CYP4Z1: variants seen among roughly 807,000 people sequenced by gnomAD.
CYP4Z1 encodes cytochrome P450 4Z1.
CYP4Z1 carries 41 observed loss-of-function variants against 54.2 expected under a neutral mutation model. The ratio of observed to expected loss-of-function variants is 0.76; its 90% CI spans 0.59 to 0.98. The LOEUF (loss-of-function observed/expected upper bound fraction) is 0.98, where lower values mean the gene tolerates loss of function less well. CYP4Z1 is among the 50% of genes least tolerant of loss of function. The pLI is 0.00. For synonymous variants in CYP4Z1, 163 were observed against 206.2 expected, an observed-to-expected ratio of 0.79 and a Z score of 1.79; for missense variants, 513 against 599.0, an observed-to-expected ratio of 0.86 and a Z score of 1.50.
At chr1:47,062,843 G>T (rs1244648301), upstream of CYP4Z1, among the ~76,000 whole-genome samples, 1 of 152,126 alleles carries the variant, frequency 6.6e-6, no homozygotes, top group Non-Finnish European at 1.5e-5. Flanking sequence ...ACATAACCAG[G>T]TGTCTCTACA....
intron 1 of CYP4Z1, 90 bp downstream of exon 1, chr1:47,067,757 T>C (rs1644461219): frequency 5.7e-6 from 7 of 1,220,308 alleles, no homozygotes; most frequent in Non-Finnish European, 7.8e-6. Flanking sequence ...CATTATGTAA[T>C]ATGCAAAATG....
Position 47,099,293 on chromosome 1 carries a change from T to G in CYP4Z1, c.1067+9T>G, listed in dbSNP as rs1644703018. 2 of 1,572,680 alleles carry G rather than the reference T, an allele frequency of 1.3e-6. No homozygotes were observed. The highest frequency in any genetic ancestry group is 2.4e-5 in the South Asian group (2 of 85,012). On this transcript the variant is annotated intron_variant, in intron 8 of 11. Coordinates refer to ENST00000334194, the MANE Select transcript of CYP4Z1 (RefSeq NM_178134.3). ...GGGTCTTCTATTACCTGGTAAGACC[T>G]GTATTCCTATTTCATCCTGAATTTT...
chr1:47,094,669 A>G lies in CYP4Z1; in HGVS notation c.876A>G (p.Lys292=). ...TTCTGGACATACTTTTGAGTGCCAA[A>G]GTAAGTCTTCTAAACTTCTGAACAC... The part of the protein sequence containing the change: ...WDFLDILLSA[K]SENTKDFSEA... Residue 292 remains lysine, a splice_region_variant and synonymous_variant, in exon 7 of 12, where the codon AAA becomes AAG. Coordinates refer to ENST00000334194, the MANE Select transcript of CYP4Z1 (RefSeq NM_178134.3). The G allele has an allele frequency of 6.2e-7, 1 of 1,608,642 alleles. No homozygotes were observed. The highest frequency in any genetic ancestry group is 8.5e-7 in the Non-Finnish European group (1 of 1,177,684).
At chr1:47,098,591 GTAA>G (rs1330906122) in intron 7 of CYP4Z1, among the ~76,000 whole-genome samples, 1 of 152,130 alleles carries the variant, frequency 6.6e-6, no homozygotes, top group African/African-American at 2.4e-5. Context: ...ATATTCATAT[GTAA>G]TACATTTCTA....
intron 7 of CYP4Z1, chr1:47,097,280 C>A (rs1644685003): frequency 6.6e-6 from 1 of 152,132 alleles, no homozygotes; most frequent in Admixed American, 6.5e-5. Context: ...CATACATGTG[C>A]ATGTATCTTT....
At chr1:47,059,660 G>T in the CYP4Z1 span, among the ~76,000 whole-genome samples, 2 of 152,106 alleles carry the variant, frequency 1.3e-5, no homozygotes, top group Non-Finnish European at 2.9e-5. Flanking sequence ...TCACCTGCTT[G>T]CATGTAGGAA....
At chr1:47,063,760 T>G (rs1644435652), upstream of CYP4Z1, among the ~76,000 whole-genome samples, 2 of 152,104 alleles carry the variant, frequency 1.3e-5, no homozygotes, top group South Asian at 4.1e-4. Context: ...TGTCCAAAAC[T>G]AAGAATAATT....
chr1:47,091,326 C>T (rs1168030356), intron 6 of CYP4Z1, among the ~76,000 whole-genome samples: 2 of 143,268 alleles, frequency 1.4e-5, no homozygotes, highest in Non-Finnish European at 3.0e-5. Context: ...AACCTATTTT[C>T]TTCGGCTATC....
At chr1:47,108,955 T>C (rs142846336) in intron 9 of CYP4Z1, among the ~76,000 whole-genome samples, 10,712 of 151,232 alleles carry the variant, frequency 0.071, 507 homozygotes, top group East Asian at 0.25. Context: ...ATGGTCTCAG[T>C]TATTGCCTTT....
intron 7 of CYP4Z1, among the ~76,000 whole-genome samples, chr1:47,095,595 A>ATATT (rs1644671430): frequency 6.6e-6 from 1 of 152,192 alleles, no homozygotes; most frequent in African/African-American, 2.4e-5. Context: ...ATTTTAATAC[A>ATATT]TATTTATTCA....
At chr1:47,090,044 T>C (rs1295275981) in intron 6 of CYP4Z1, among the ~76,000 whole-genome samples, 3 of 152,262 alleles carry the variant, frequency 2.0e-5, no homozygotes, top group Non-Finnish European at 2.9e-5. Flanking sequence ...ATTTCTGACA[T>C]GTCCTAAACA....
At chr1:47,073,012 T>G (rs1644493582) in intron 2 of CYP4Z1, among the ~76,000 whole-genome samples, 3 of 150,126 alleles carry the variant, frequency 2.0e-5, no homozygotes, top group South Asian at 2.1e-4. Context: ...CACAGTGCTA[T>G]CCACCTATCA....
intron 8 of CYP4Z1, among the ~76,000 whole-genome samples, chr1:47,101,463 T>C (rs1403261233): frequency 6.6e-6 from 1 of 152,190 alleles, no homozygotes; most frequent in Non-Finnish European, 1.5e-5. Context: ...TTTCATTTGT[T>C]TCAAGAAATT....
rs750045068 is a variant in CYP4Z1 at position 47,100,821 on chromosome 1, C to A, written c.1067+1537C>A. Among the ~76,000 whole-genome samples the A allele has an allele frequency of 2.0e-5, 3 of 152,188 alleles. No homozygotes were observed. In the East Asian group the frequency reaches 5.8e-4, roughly 29 times the overall value. ...CAGGCATCCACTGGGGGTTTTGGAACGTATCCCTCACAGATAAGTGGGGAC... is the reference window on the plus strand; with the variant it reads ...CAGGCATCCACTGGGGGTTTTGGAAAGTATCCCTCACAGATAAGTGGGGAC... On this transcript the variant is annotated intron_variant, in intron 8 of 11. Coordinates refer to ENST00000334194, the MANE Select transcript of CYP4Z1 (RefSeq NM_178134.3).
At position 47,118,200 on chromosome 1, in the gene CYP4Z1, C is replaced by T; in HGVS notation, c.*266C>T. ...GTTTGTGTAACTAGTGGTAGAGTGG[C>T]TTTCAAGCATAGTTTGATCAAAACT... On this transcript the variant is annotated 3_prime_UTR_variant, in exon 12 of 12. Transcript: ENST00000334194. 1 of 324,186 alleles carries T rather than the reference C, an allele frequency of 3.1e-6. No individual in the cohort carries two copies. Among genetic ancestry groups the T allele is most frequent in the East Asian group, 5.7e-5 (1 of 17,662 alleles). The allele number at this position is 324,186 out of a possible 1,614,324, so 20.1% of individuals were successfully genotyped here.
At chr1:47,107,320 C>G (rs1278721762) in intron 9 of CYP4Z1, among the ~76,000 whole-genome samples, 1 of 152,016 alleles carries the variant, frequency 6.6e-6, no homozygotes, top group Non-Finnish European at 1.5e-5. Context: ...AGTAGTGGGA[C>G]TCTAGAGTCT....
chr1:47,102,763 C>T (rs1442120411), intron 8 of CYP4Z1, among the ~76,000 whole-genome samples: 1 of 152,132 alleles, frequency 6.6e-6, no homozygotes, highest in African/African-American at 2.4e-5. Flanking sequence ...ATTTTCTCTT[C>T]ATCTTTGACT....
At chr1:47,084,791 C>T (rs776776215) in intron 5 of CYP4Z1, 33 bp from the exon 6 acceptor site, 43 of 1,610,432 alleles carry the variant, frequency 2.7e-5, no homozygotes, top group Non-Finnish European at 3.5e-5. Context: ...CTGTGTCACC[C>T]ACTAACATGT....
In CYP4Z1 at chr1:47,067,369, G is replaced by A. The variant is rs1360668468; in HGVS notation, c.-122G>A. 3.2e-5 allele frequency: 26 copies of A among 819,874 alleles called. No homozygotes were observed. The highest frequency in any genetic ancestry group is 4.2e-5 in the Non-Finnish European group (24 of 575,826). The allele number at this position is 819,874 out of a possible 1,614,324, so 50.8% of individuals were successfully genotyped here. ...TTCCTCTTCCTTATGTCCCCTCCCT[G>A]AATATGGCATTTTGAAAGCCCAGTG... is the stretch of plus-strand genomic sequence containing the variant. On this transcript the variant is annotated 5_prime_UTR_variant, in exon 1 of 12. The change abolishes the stop of an existing upstream ORF in the 5' untranslated region. Coordinates refer to ENST00000334194, the MANE Select transcript of CYP4Z1 (RefSeq NM_178134.3).
Sources: allele counts gnomAD v4.1 joint callset (sites outside exome capture counted in the v4.1 genomes callset), GRCh38; gene constraint gnomAD v4.1.1; transcripts MANE v1.5; gene names NCBI Gene and HGNC (gene_info 2026-07-23, HGNC 2026-07-21).